The following EPB41L4B variants were observed in gnomAD, a reference collection of about 807,000 sequenced individuals.
EPB41L4B encodes band 4.1-like protein 4B.
EPB41L4B carries 30 observed loss-of-function variants against 112.5 expected under a neutral mutation model. The ratio of observed to expected loss-of-function variants is 0.27; its 90% CI spans 0.20 to 0.36. The LOEUF (loss-of-function observed/expected upper bound fraction) is 0.36. EPB41L4B is among the 10% of genes least tolerant of loss of function. The pLI, the probability that EPB41L4B is intolerant of heterozygous loss-of-function variation, is 1.00. For synonymous variants in EPB41L4B, 408 were observed against 439.7 expected (o/e 0.93, Z 0.90); for missense variants, 1,024 against 1,133.3 (o/e 0.90, Z 1.38).
chr9:109,251,443 G>A, intron 13 of EPB41L4B, 38 bp downstream of exon 13: 1 of 1,590,986 alleles, frequency 6.3e-7, no homozygotes, highest in Non-Finnish European at 8.6e-7. Context: ...ACGATCCTTA[G>A]AGAGGAGAGC....
intron 7 of EPB41L4B, among the ~76,000 whole-genome samples, chr9:109,257,302 A>C (rs1042585669): frequency 2.0e-5 from 3 of 152,072 alleles, no homozygotes; most frequent in African/African-American, 7.2e-5. Flanking sequence ...GGGAGGGAGG[A>C]AAGGTTAACA....
chr9:109,262,585 T>C (rs1835252791), intron 6 of EPB41L4B, among the ~76,000 whole-genome samples: 1 of 152,066 alleles, frequency 6.6e-6, no homozygotes, highest in South Asian at 2.1e-4. Context: ...TCTCCCCATA[T>C]AGCCAACGTG....
At chr9:109,237,113 G>A (rs1400305540) in intron 15 of EPB41L4B, among the ~76,000 whole-genome samples, 1 of 152,326 alleles carries the variant, frequency 6.6e-6, no homozygotes, top group East Asian at 1.9e-4. Context: ...GGACCCAGGA[G>A]GCTGGAGTCG....
At chr9:109,199,251 C>T (rs776053735) in intron 20 of EPB41L4B, among the ~76,000 whole-genome samples, 3 of 152,094 alleles carry the variant, frequency 2.0e-5, no homozygotes, top group African/African-American at 7.2e-5. Flanking sequence ...ATGGATATGC[C>T]GTGGAAAGCA....
intron 2 of EPB41L4B, among the ~76,000 whole-genome samples, chr9:109,277,535 T>G (rs530220166): frequency 1.4e-4 from 22 of 152,242 alleles, no homozygotes; most frequent in Middle Eastern, 3.4e-3. Context: ...AGGGAGCAGC[T>G]CGGGAGCTTG....
intron 1 of EPB41L4B, among the ~76,000 whole-genome samples, chr9:109,291,751 G>A (rs1209695727): frequency 4.6e-5 from 7 of 152,268 alleles, no homozygotes; most frequent in African/African-American, 1.2e-4. Flanking sequence ...TCAGTTCCAC[G>A]GATGACCAGG....
At chr9:109,241,042 T>G (rs1834337088) in intron 15 of EPB41L4B, 1 of 985,150 alleles carries the variant, frequency 1.0e-6, no homozygotes, top group African/African-American at 1.7e-5. Flanking sequence ...TTATTTAGCT[T>G]CTGAAAGGAG....
chr9:109,203,390 G>C lies in EPB41L4B; in HGVS notation c.1946+273C>G, dbSNP rs149866038. Among the ~76,000 whole-genome samples the C allele has an allele frequency of 5.9e-5, 9 of 152,250 alleles. No individual in the cohort carries two copies. In the East Asian group the frequency reaches 1.2e-3, roughly 20 times the overall value. On this transcript the variant is annotated intron_variant, in intron 19 of 25. Transcript: ENST00000374566. ...TTAAAGGGCTTTAAGCAGGGGGATG[G>C]CAATGTGAAGCCCACTTGCTTGAGT...
At chr9:109,310,138 C>T (rs1221144912) in intron 1 of EPB41L4B, among the ~76,000 whole-genome samples, 4 of 152,084 alleles carry the variant, frequency 2.6e-5, no homozygotes, top group Non-Finnish European at 5.9e-5. Flanking sequence ...GGATCAATTC[C>T]AGTATATGCA....
At chr9:109,216,169 T>C (rs1833359594) in intron 16 of EPB41L4B, among the ~76,000 whole-genome samples, 1 of 152,182 alleles carries the variant, frequency 6.6e-6, no homozygotes, top group Non-Finnish European at 1.5e-5. Flanking sequence ...TTTCCATTGC[T>C]CAAGCCAGTG....
Position 109,185,613 on chromosome 9 carries a change from CGAGGAGAGGAGAGAAGGGGAG to C in EPB41L4B, c.2302-29_2302-9del. The C allele has an allele frequency of 6.3e-7, 1 of 1,593,826 alleles. No individual in the cohort carries two copies. The highest frequency in any genetic ancestry group is 8.6e-7 in the Non-Finnish European group (1 of 1,169,036). On this transcript the variant is annotated splice_polypyrimidine_tract_variant and intron_variant, in intron 22 of 25. Coordinates refer to ENST00000374566, the MANE Select transcript of EPB41L4B (RefSeq NM_019114.5). ...GTTGCTGGCGGGCTCTGCCTGCTCA[CGAGGAGAGGAGAGAAGGGGAG>C]GAGGAGGTGGCAAGAGAAGGGGAGG...
intron 20 of EPB41L4B, among the ~76,000 whole-genome samples, chr9:109,197,556 G>A (rs1291187841): frequency 1.3e-5 from 2 of 152,262 alleles, no homozygotes; most frequent in Middle Eastern, 3.4e-3. Flanking sequence ...TTCTACTAAT[G>A]GGGAAAATGC....
chr9:109,247,861 T>C, intron 13 of EPB41L4B, 72 bp from the exon 14 acceptor site: 1 of 1,204,952 alleles, frequency 8.3e-7, no homozygotes, highest in Non-Finnish European at 1.1e-6. Context: ...ATTAATGATT[T>C]ATTTAACAAT....
chr9:109,315,568 G>A (rs149843254), intron 1 of EPB41L4B, among the ~76,000 whole-genome samples: 2 of 152,210 alleles, frequency 1.3e-5, no homozygotes, highest in Non-Finnish European at 2.9e-5. Flanking sequence ...ACCTTCAGAC[G>A]CTGACAATCA....
chr9:109,223,529 C>G (rs1833663467), intron 15 of EPB41L4B, among the ~76,000 whole-genome samples: 2 of 152,118 alleles, frequency 1.3e-5, no homozygotes, highest in Admixed American at 1.3e-4. Flanking sequence ...GGCTTTCTCT[C>G]AACAACAAGG....
chr9:109,230,745 A>G (rs1833926368), intron 15 of EPB41L4B, among the ~76,000 whole-genome samples: 1 of 152,246 alleles, frequency 6.6e-6, no homozygotes, highest in Non-Finnish European at 1.5e-5. Context: ...TAGAAGTGTC[A>G]TACATTATGA....
rs1363742544 is a variant in EPB41L4B at position 109,252,084 on chromosome 9, A to C, written c.1280-573T>G. ...AGGGAGAGAAAAGAGGGAGGGGGAA[A>C]AGAATCACAGACCCTGGGGCCCAGA... On this transcript the variant is annotated intron_variant, in intron 12 of 25. Coordinates refer to ENST00000374566, the MANE Select transcript of EPB41L4B (RefSeq NM_019114.5). 2.6e-5 allele frequency among the ~76,000 whole-genome samples: 4 copies of C among 152,148 alleles called. No homozygotes were observed. The South Asian group carries it at 8.3e-4, about 32-fold the overall frequency.
chr9:109,185,257 T>C (rs1450750127), intron 23 of EPB41L4B, among the ~76,000 whole-genome samples: 1 of 152,252 alleles, frequency 6.6e-6, no homozygotes, highest in Admixed American at 6.5e-5. Context: ...AAACAAACTC[T>C]TCTTGATTCT....
rs780273343 is a variant in EPB41L4B at position 109,317,522 on chromosome 9, C to T, written c.306+2619G>A. 1.1e-4 allele frequency among the ~76,000 whole-genome samples: 16 copies of T among 152,324 alleles called. No homozygotes were observed. In the South Asian group the frequency reaches 1.9e-3, roughly 18 times the overall value. ...TGGACTGGACTGAGGTGCCACAGCA[C>T]GGTCACACTGAGGGTGTTATTGTGT... On this transcript the variant is annotated intron_variant, in intron 1 of 25. Coordinates refer to ENST00000374566, the MANE Select transcript of EPB41L4B (RefSeq NM_019114.5).
Sources: allele counts gnomAD v4.1 joint callset (sites outside exome capture counted in the v4.1 genomes callset), GRCh38; gene constraint gnomAD v4.1.1; transcripts MANE v1.5; gene names NCBI Gene and HGNC (gene_info 2026-07-23, HGNC 2026-07-21).